The following CNOT6L variants were observed in gnomAD, a reference collection of about 807,000 sequenced individuals.
CNOT6L encodes the protein CCR4-NOT transcription complex subunit 6 like.
A neutral mutation model predicts 64.0 loss-of-function variants in CNOT6L; 7 were observed. The ratio of observed to expected loss-of-function variants is 0.11; its 90% CI spans 0.06 to 0.21. The LOEUF is 0.21. Among genes scored for constraint, CNOT6L ranks in the 10% least tolerant of loss-of-function variants. The pLI is 1.00. For synonymous variants in CNOT6L, 193 were observed against 243.4 expected, an observed-to-expected ratio of 0.79 and a Z score of 1.93; for missense variants, 245 against 669.0, an observed-to-expected ratio of 0.37 and a Z score of 6.99.
chr4:77,808,479 A>AAAGAG, intron 1 of CNOT6L, among the ~76,000 whole-genome samples: 1 of 151,648 alleles, frequency 6.6e-6, no homozygotes, highest in Non-Finnish European at 1.5e-5. Flanking sequence ...AAAAAAAAAA[A>AAAGAG]AAGAGAAGAG....
At chr4:77,744,302 T>C (rs1723948201) in intron 7 of CNOT6L, among the ~76,000 whole-genome samples, 1 of 151,964 alleles carries the variant, frequency 6.6e-6, no homozygotes, top group Admixed American at 6.6e-5. Flanking sequence ...TATAGTACAA[T>C]ATATTAAAAT....
rs886682518 is a variant in CNOT6L, at chr4:77,774,035, A to G, written c.314+495T>C. On this transcript the variant is annotated intron_variant, in intron 3 of 11. Transcript: ENST00000504123. ...ACAGATAATCATTGGAAACATTTAG[A>G]TAAGATCTTAAGATTCCTGCAAAAT... Among the ~76,000 whole-genome samples the G allele has an allele frequency of 9.6e-4, 146 of 152,218 alleles. 1 individual carries two copies. Among genetic ancestry groups the G allele is most frequent in the Non-Finnish European group, 4.9e-4 (33 of 68,020 alleles).
At position 77,779,037 on chromosome 4, in the gene CNOT6L, ACT is replaced by A. The variant is rs1217043017; in HGVS notation, c.6-2647_6-2646del. Among the ~76,000 whole-genome samples, 5 of 118,038 alleles carry A rather than the reference ACT, an allele frequency of 4.2e-5. No individual in the cohort carries two copies. The Admixed American group carries it at 5.3e-4, about 12-fold the overall frequency. The allele number at this position is 118,038 out of a possible 152,430, so 77.4% of individuals were successfully genotyped here. On this transcript the variant is annotated intron_variant, in intron 1 of 11. Coordinates refer to ENST00000504123, the MANE Select transcript of CNOT6L (RefSeq NM_144571.3). ...ACTCCAGCCTAGGTGACAGAGCGAG[ACT>A]CTGTCTCAAAAAAAAAAAAAAAACA... is the stretch of plus-strand genomic sequence containing the variant.
chr4:77,750,782 C>A (rs1321950885), intron 5 of CNOT6L, among the ~76,000 whole-genome samples: 1 of 152,188 alleles, frequency 6.6e-6, no homozygotes, highest in African/African-American at 2.4e-5. Context: ...GTGACCCAAT[C>A]TTCAACAGAG....
chr4:77,741,017 T>G (rs977453467), intron 8 of CNOT6L, among the ~76,000 whole-genome samples: 1 of 152,142 alleles, frequency 6.6e-6, no homozygotes, highest in African/African-American at 2.4e-5. Context: ...AACAACAAAA[T>G]CACCTAATGA....
At chr4:77,811,247 G>A (rs999265469) in intron 1 of CNOT6L, among the ~76,000 whole-genome samples, 4 of 152,162 alleles carry the variant, frequency 2.6e-5, no homozygotes, top group Non-Finnish European at 5.9e-5. Context: ...CTGATGGGAA[G>A]ATGATTAAAG....
At chr4:77,771,847 A>G (rs1353555304) in intron 4 of CNOT6L, among the ~76,000 whole-genome samples, 1 of 152,242 alleles carries the variant, frequency 6.6e-6, no homozygotes, top group Admixed American at 6.5e-5. Context: ...AAAATCTATG[A>G]AAGTGTATAC....
At position 77,719,033 on chromosome 4, in the gene CNOT6L, TATAGCAGCAAA is replaced by T. The variant is rs1721031530; in HGVS notation, c.*1387_*1397del. ...TAAAATATAAATTTCAGAAAACTCT[TATAGCAGCAAA>T]AAAGCAGAATAAAGAAAAACTTAAA... On this transcript the variant is annotated 3_prime_UTR_variant, in exon 12 of 12. Transcript: ENST00000504123. 2.0e-5 allele frequency: 3 copies of T among 152,436 alleles called. No homozygotes were observed. The highest frequency in any genetic ancestry group is 2.0e-4 in the Admixed American group (3 of 15,246). The allele number at this position is 152,436 out of a possible 1,614,324, so 9.4% of individuals were successfully genotyped here.
At position 77,716,324 on chromosome 4, in the gene CNOT6L, A is replaced by G. The variant is rs1463992937; in HGVS notation, c.*4107T>C. On this transcript the variant is annotated 3_prime_UTR_variant, in exon 12 of 12. Coordinates refer to ENST00000504123, the MANE Select transcript of CNOT6L (RefSeq NM_144571.3). ...TCTCAGAAACAGAATAAAAAAGCTT[A>G]GAATCAAATAAGCATTGGGACACAG... The G allele has an allele frequency of 1.3e-5, 2 of 152,150 alleles. No homozygotes were observed. Among genetic ancestry groups the G allele is most frequent in the Non-Finnish European group, 2.9e-5 (2 of 68,004 alleles). 9.4% of individuals were successfully genotyped at this position (152,150 alleles called of 1,614,324 possible). A position where few individuals can be genotyped will look rare whatever the true frequency, so the allele number is the denominator to read the frequency against.
intron 4 of CNOT6L, among the ~76,000 whole-genome samples, chr4:77,758,591 C>A (rs528492992): frequency 1.3e-4 from 20 of 152,264 alleles, no homozygotes; most frequent in African/African-American, 4.6e-4. Context: ...CAAGCAGATA[C>A]AGAGAATCAC....
At chr4:77,811,602 C>G (rs1732945916) in intron 1 of CNOT6L, among the ~76,000 whole-genome samples, 1 of 152,050 alleles carries the variant, frequency 6.6e-6, no homozygotes, top group Non-Finnish European at 1.5e-5. Flanking sequence ...AGAGGAAAAT[C>G]TAGCCCCTCT....
At chr4:77,770,808 A>G (rs533572101) in intron 4 of CNOT6L, among the ~76,000 whole-genome samples, 1 of 152,344 alleles carries the variant, frequency 6.6e-6, no homozygotes, top group East Asian at 1.9e-4. Context: ...CCAGCCAAAG[A>G]CAATCGTTTG....
At chr4:77,762,848 T>C (rs1374251721) in intron 4 of CNOT6L, among the ~76,000 whole-genome samples, 2 of 152,134 alleles carry the variant, frequency 1.3e-5, no homozygotes, top group Non-Finnish European at 2.9e-5. Context: ...ATGGAACTGT[T>C]CTATTTCTTG....
chr4:77,746,214 A>G (rs981977268), intron 6 of CNOT6L, among the ~76,000 whole-genome samples: 1 of 152,184 alleles, frequency 6.6e-6, no homozygotes, highest in Admixed American at 6.5e-5. Flanking sequence ...TGCAATTTTT[A>G]TAATATAGCC....
At chr4:77,792,769 G>C (rs1256817186) in intron 1 of CNOT6L, among the ~76,000 whole-genome samples, 1 of 147,980 alleles carries the variant, frequency 6.8e-6, no homozygotes, top group Non-Finnish European at 1.5e-5. Flanking sequence ...GTATTGATTA[G>C]TAACTGTCAT....
rs146211538 is a variant in CNOT6L at position 77,736,481 on chromosome 4, A to G, written c.873-4943T>C. On this transcript the variant is annotated intron_variant, in intron 8 of 11. Coordinates refer to ENST00000504123, the MANE Select transcript of CNOT6L (RefSeq NM_144571.3). ...ATATTCTATCCCTACTACCTTAACAATGCTACTTCTTGCATTCCCTTCCCA... is the reference window on the plus strand; with the variant it reads ...ATATTCTATCCCTACTACCTTAACAGTGCTACTTCTTGCATTCCCTTCCCA... 2.0e-3 allele frequency among the ~76,000 whole-genome samples: 304 copies of G among 152,312 alleles called. 8 individuals carry two copies. Among genetic ancestry groups the G allele is most frequent in the Admixed American group, 0.019 (289 of 15,300 alleles).
intron 4 of CNOT6L, among the ~76,000 whole-genome samples, chr4:77,768,511 A>G (rs1305070426): frequency 2.1e-5 from 3 of 142,580 alleles, no homozygotes; most frequent in African/African-American, 5.2e-5. Flanking sequence ...ATATATATAT[A>G]TATATTCTAC....
intron 1 of CNOT6L, among the ~76,000 whole-genome samples, chr4:77,803,136 A>T (rs1731785551): frequency 6.6e-6 from 1 of 152,188 alleles, no homozygotes; most frequent in South Asian, 2.1e-4. Context: ...AGTAATAAGA[A>T]AAACAGAGAC....
At chr4:77,745,509 A>T (rs936454797) in intron 6 of CNOT6L, among the ~76,000 whole-genome samples, 4 of 152,132 alleles carry the variant, frequency 2.6e-5, no homozygotes, top group African/African-American at 9.7e-5. Flanking sequence ...GTAATCAATC[A>T]CCTGGGAATT....
Sources: allele counts gnomAD v4.1 joint callset (sites outside exome capture counted in the v4.1 genomes callset), GRCh38; gene constraint gnomAD v4.1.1; transcripts MANE v1.5; gene names NCBI Gene and HGNC (gene_info 2026-07-23, HGNC 2026-07-21).